RALGAPA2: variants seen among roughly 807,000 people sequenced by gnomAD.
RALGAPA2 encodes ral GTPase-activating protein subunit alpha-2.
Under a neutral mutation model 230.4 loss-of-function variants are expected in RALGAPA2, and 139 were observed. The ratio of observed to expected loss-of-function variants is 0.60; its 90% confidence interval spans 0.53 to 0.69. The LOEUF (loss-of-function observed/expected upper bound fraction) is 0.69. RALGAPA2 is among the 30% of genes least tolerant of loss of function. The pLI, the probability that RALGAPA2 is intolerant of heterozygous loss-of-function variation, is 0.00. For synonymous variants in RALGAPA2, 847 were observed against 837.8 expected, an observed-to-expected ratio of 1.01 and a Z score of -0.19; for missense variants, 2,163 against 2,276.0, an observed-to-expected ratio of 0.95 and a Z score of 1.01.
chr20:20,485,808 A>G (rs1305506650), intron 36 of RALGAPA2, among the ~76,000 whole-genome samples: 1 of 152,200 alleles, frequency 6.6e-6, no homozygotes, highest in Non-Finnish European at 1.5e-5. Context: ...TGTTGCTATT[A>G]CTATCTGGAA....
intron 23 of RALGAPA2, among the ~76,000 whole-genome samples, chr20:20,551,601 C>T (rs1263883469): frequency 2.0e-5 from 3 of 152,156 alleles, no homozygotes; most frequent in African/African-American, 4.8e-5. Context: ...CAAATAGAGG[C>T]GTGTTGTTTC....
At chr20:20,417,569 T>A (rs1003249423) in intron 37 of RALGAPA2, among the ~76,000 whole-genome samples, 1 of 152,198 alleles carries the variant, frequency 6.6e-6, no homozygotes, top group African/African-American at 2.4e-5. Flanking sequence ...TTAACTTATA[T>A]CAGCACACAG....
At chr20:20,513,741 T>G (rs1172098529) in intron 31 of RALGAPA2, among the ~76,000 whole-genome samples, 2 of 152,172 alleles carry the variant, frequency 1.3e-5, no homozygotes, top group African/African-American at 4.8e-5. Context: ...CAGAAAAAGC[T>G]GCAGGCAATT....
intron 37 of RALGAPA2, among the ~76,000 whole-genome samples, chr20:20,460,446 T>C (rs905586131): frequency 2.6e-5 from 4 of 152,146 alleles, no homozygotes; most frequent in South Asian, 2.1e-4. Context: ...ATAAACAAGA[T>C]ACACTTTAAA....
intron 38 of RALGAPA2, among the ~76,000 whole-genome samples, chr20:20,402,732 G>C (rs1473265821): frequency 6.6e-6 from 1 of 152,236 alleles, no homozygotes; most frequent in Non-Finnish European, 1.5e-5. Flanking sequence ...AAACTGTCAT[G>C]GAAGTTGTCC....
intron 33 of RALGAPA2, among the ~76,000 whole-genome samples, chr20:20,508,552 T>C (rs1292282711): frequency 6.6e-6 from 1 of 152,232 alleles, no homozygotes; most frequent in Non-Finnish European, 1.5e-5. Context: ...ACATTCATCA[T>C]AGCACTGACA....
At position 20,390,984 on chromosome 20, in the gene RALGAPA2, G is replaced by C. The variant is rs575681654; in HGVS notation, c.*2305C>G. 2.0e-4 allele frequency: 30 copies of C among 152,380 alleles called. No homozygotes were observed. The highest frequency in any genetic ancestry group is 6.7e-4 in the African/African-American group (28 of 41,576). 9.4% of individuals were successfully genotyped at this position (152,380 alleles called of 1,614,324 possible). A position where few individuals can be genotyped will look rare whatever the true frequency, so the allele number is the denominator to read the frequency against. ...CCCAAGGTAGGGATCGCTGGTTCGT[G>C]AAAGCAAAATGAAATCATGGAGCAG... On this transcript the variant is annotated 3_prime_UTR_variant, in exon 40 of 40. Coordinates refer to ENST00000202677, the MANE Select transcript of RALGAPA2 (RefSeq NM_020343.4).
intron 1 of RALGAPA2, among the ~76,000 whole-genome samples, chr20:20,702,992 G>A (rs538124934): frequency 1.7e-3 from 263 of 152,056 alleles, no homozygotes; most frequent in African/African-American, 6.3e-3. Context: ...AGCCAACGTG[G>A]CAAAACCTTG....
chr20:20,619,598 C>T (rs1603087305), intron 11 of RALGAPA2, among the ~76,000 whole-genome samples, 184 bp from the exon 12 acceptor site: 2 of 152,282 alleles, frequency 1.3e-5, no homozygotes, highest in African/African-American at 2.4e-5. Context: ...CCCACTCAAC[C>T]GTCAACACCT....
intron 37 of RALGAPA2, among the ~76,000 whole-genome samples, chr20:20,446,539 G>C (rs898084166): frequency 3.9e-5 from 6 of 152,192 alleles, no homozygotes; most frequent in Non-Finnish European, 7.3e-5. Context: ...GCCACCAGAA[G>C]CAAAAGAAAT....
chr20:20,520,880 C>T, intron 31 of RALGAPA2, 37 bp downstream of exon 31: 1 of 1,475,616 alleles, frequency 6.8e-7, no homozygotes, highest in East Asian at 2.4e-5. Flanking sequence ...CCTTCCTTTT[C>T]CTTCCCACAA....
At chr20:20,441,772 T>C (rs941926296) in intron 37 of RALGAPA2, among the ~76,000 whole-genome samples, 2 of 152,234 alleles carry the variant, frequency 1.3e-5, no homozygotes, top group African/African-American at 4.8e-5. Context: ...CCTAGGGATG[T>C]AGTCTGAGCT....
At chr20:20,554,428 T>C (rs6035648) in intron 23 of RALGAPA2, among the ~76,000 whole-genome samples, 1 of 152,196 alleles carries the variant, frequency 6.6e-6, no homozygotes, top group African/African-American at 2.4e-5. Context: ...GATGGGCATT[T>C]AAGCTGTTTC....
At chr20:20,439,083 G>T (rs6081999) in intron 37 of RALGAPA2, among the ~76,000 whole-genome samples, 9,688 of 152,202 alleles carry the variant, frequency 0.064, 485 homozygotes, top group East Asian at 0.16. Flanking sequence ...GCATGGAAAC[G>T]GAGACTAGGA....
chr20:20,677,628 C>CTTTTTTTTT (rs1568741580), intron 2 of RALGAPA2, among the ~76,000 whole-genome samples: 2 of 121,838 alleles, frequency 1.6e-5, no homozygotes, highest in Non-Finnish European at 3.4e-5. Context: ...TGATTTGACC[C>CTTTTTTTTT]ATTTTTTTTT....
chr20:20,526,457 G>T, intron 27 of RALGAPA2, 95 bp from the exon 28 acceptor site: 2 of 785,278 alleles, frequency 2.5e-6, no homozygotes, highest in Non-Finnish European at 4.0e-6. Flanking sequence ...GTTCCTTATA[G>T]ATTACATTTA....
chr20:20,686,564 G>A (rs545893283), intron 1 of RALGAPA2, among the ~76,000 whole-genome samples: 1 of 151,958 alleles, frequency 6.6e-6, no homozygotes, highest in Non-Finnish European at 1.5e-5. Context: ...GCTAACAATG[G>A]TTCTTACATC....
intron 3 of RALGAPA2, among the ~76,000 whole-genome samples, chr20:20,670,153 A>G (rs1350316604): frequency 6.6e-6 from 1 of 152,222 alleles, no homozygotes; most frequent in African/African-American, 2.4e-5. Flanking sequence ...TACCTTGCTC[A>G]TTGTTGTATC....
intron 23 of RALGAPA2, 148 bp from the exon 24 acceptor site, chr20:20,546,980 A>G: frequency 1.2e-6 from 1 of 864,198 alleles, no homozygotes; most frequent in Non-Finnish European, 1.6e-6. Flanking sequence ...TATTGGAAAC[A>G]GAGTTACTCC....
Sources: gnomAD v4.1 joint callset for allele counts (sites outside exome capture counted in the v4.1 genomes callset) on GRCh38, gnomAD v4.1.1 for gene constraint, MANE v1.5 for transcripts, NCBI Gene and HGNC (gene_info 2026-07-23, HGNC 2026-07-21) for gene names.